Variants in SEMA5A observed in about 807,000 individuals in gnomAD.
SEMA5A encodes the protein semaphorin 5A, also known as semaphorin-5A.
Under a neutral mutation model 135.5 loss-of-function variants are expected in SEMA5A, and 55 were observed. That is an observed-to-expected ratio of 0.41 (90% CI 0.33 to 0.51). The LOEUF is 0.51. Ranked by LOEUF, SEMA5A falls within the 20% of genes least tolerant of loss-of-function variation. SEMA5A has a pLI of 0.37. For synonymous variants in SEMA5A, 580 were observed against 546.5 expected (o/e 1.06, Z -0.85); for missense variants, 1,290 against 1,419.9 (o/e 0.91, Z 1.47).
At chr5:9,445,727 C>T (rs1016836830) in intron 1 of SEMA5A, among the ~76,000 whole-genome samples, 1 of 152,090 alleles carries the variant, frequency 6.6e-6, no homozygotes, top group Non-Finnish European at 1.5e-5. Flanking sequence ...TCCCACAGGG[C>T]CAAAGTAAGA....
At chr5:9,197,721 A>C (rs1745472585) in intron 9 of SEMA5A, among the ~76,000 whole-genome samples, 1 of 78,930 alleles carries the variant, frequency 1.3e-5, no homozygotes, top group Non-Finnish European at 3.0e-5. Flanking sequence ...GCAGCAGGGA[A>C]AGCTGTTTGT....
intron 1 of SEMA5A, among the ~76,000 whole-genome samples, chr5:9,540,558 C>T (rs3777370): frequency 0.81 from 123,872 of 152,008 alleles, 50,561 homozygotes; most frequent in Middle Eastern, 0.85. Flanking sequence ...GATCGCGCCA[C>T]TGCACCCCAG....
chr5:9,109,580 C>T (rs1405489911), intron 15 of SEMA5A, among the ~76,000 whole-genome samples: 1 of 152,132 alleles, frequency 6.6e-6, no homozygotes, highest in Non-Finnish European at 1.5e-5. Context: ...TTCTCATGCC[C>T]TCCTCTCTTG....
intron 1 of SEMA5A, among the ~76,000 whole-genome samples, chr5:9,450,591 C>A (rs960700966): frequency 1.3e-5 from 2 of 152,102 alleles, no homozygotes; most frequent in East Asian, 1.9e-4. Flanking sequence ...CACACCTACA[C>A]CCCTCTCCAC....
intron 11 of SEMA5A, among the ~76,000 whole-genome samples, chr5:9,187,571 A>T (rs1361767697): frequency 6.6e-6 from 1 of 152,178 alleles, no homozygotes; most frequent in Non-Finnish European, 1.5e-5. Context: ...TTAACTAACA[A>T]TCCAACTAGT....
At chr5:9,183,667 A>T (rs892486061) in intron 11 of SEMA5A, among the ~76,000 whole-genome samples, 2 of 152,202 alleles carry the variant, frequency 1.3e-5, no homozygotes, top group Non-Finnish European at 2.9e-5. Context: ...TGAGCTCATT[A>T]TGCTCCATTG....
At chr5:9,466,955 A>G (rs758684964) in intron 1 of SEMA5A, among the ~76,000 whole-genome samples, 1 of 152,210 alleles carries the variant, frequency 6.6e-6, no homozygotes, top group Non-Finnish European at 1.5e-5. Context: ...CAATGCAGAG[A>G]AGAGTTTTGT....
At chr5:9,426,523 T>A (rs774737099) in intron 2 of SEMA5A, among the ~76,000 whole-genome samples, 5 of 151,238 alleles carry the variant, frequency 3.3e-5, no homozygotes, top group Non-Finnish European at 7.4e-5. Flanking sequence ...TTTAATGACT[T>A]GCTCTGAGCA....
rs1205964805 is a variant in SEMA5A, at chr5:9,204,635, A to G, written c.647-2395T>C. Among the ~76,000 whole-genome samples the G allele has an allele frequency of 1.3e-5, 2 of 152,180 alleles. No individual in the cohort carries two copies. Among genetic ancestry groups the G allele is most frequent in the Admixed American group, 6.5e-5 (1 of 15,282 alleles). On this transcript the variant is annotated intron_variant, in intron 8 of 22. Transcript: ENST00000382496. The surrounding 1 kb of genome is among the most constrained non-coding windows in gnomAD (Gnocchi z 6.4). ...CCCATTTCACAGATGAGGACACTAA[A>G]GCCCAGAGATTTAATAACTTGTCCA...
chr5:9,220,612 T>C (rs879036711), intron 8 of SEMA5A, among the ~76,000 whole-genome samples: 2 of 151,574 alleles, frequency 1.3e-5, no homozygotes, highest in Admixed American at 1.3e-4. Context: ...ATGAGAAGAG[T>C]GGGCAGAAGG....
In SEMA5A at chr5:9,476,362, T is replaced by C. The variant is rs553478362; in HGVS notation, c.-174-38510A>G. On this transcript the variant is annotated intron_variant, in intron 1 of 22. Transcript: ENST00000382496. ...TTGCACATGTTGGGGGTTTACTTTT[T>C]TTTTTTAATCTTTACCAAGCTAATA... Among the ~76,000 whole-genome samples, 4 of 152,346 alleles carry C rather than the reference T, an allele frequency of 2.6e-5. No individual in the cohort carries two copies. The East Asian group carries it at 7.7e-4, about 29-fold the overall frequency.
intron 18 of SEMA5A, among the ~76,000 whole-genome samples, chr5:9,061,402 G>A (rs1216365268): frequency 1.3e-5 from 2 of 151,950 alleles, no homozygotes; most frequent in African/African-American, 4.8e-5. Context: ...TAAGGTTGCT[G>A]CCATGAGTGA....
chr5:9,463,047 G>T (rs1327514556), intron 1 of SEMA5A, among the ~76,000 whole-genome samples: 1 of 151,034 alleles, frequency 6.6e-6, no homozygotes, highest in Non-Finnish European at 1.5e-5. Flanking sequence ...AATGCCTTTT[G>T]TGGATGCTTA....
intron 1 of SEMA5A, among the ~76,000 whole-genome samples, chr5:9,445,519 A>G (rs1758400603): frequency 6.6e-6 from 1 of 152,016 alleles, no homozygotes; most frequent in South Asian, 2.1e-4. Flanking sequence ...AATACAAAAA[A>G]TTAGCCGGGT....
chr5:9,282,777 A>G (rs766720010), intron 5 of SEMA5A, among the ~76,000 whole-genome samples: 5 of 152,100 alleles, frequency 3.3e-5, no homozygotes, highest in Non-Finnish European at 7.4e-5. Flanking sequence ...CACAGCATCA[A>G]TCCTAAATTC....
intron 20 of SEMA5A, 22 bp from the exon 21 acceptor site, chr5:9,050,479 C>T (rs1418970102): frequency 1.9e-6 from 3 of 1,609,260 alleles, no homozygotes; most frequent in Admixed American, 3.4e-5. Context: ...AAAGTCGAAT[C>T]ACAATGTGTA....
intron 5 of SEMA5A, among the ~76,000 whole-genome samples, chr5:9,268,398 T>A (rs547017762): frequency 6.6e-6 from 1 of 152,120 alleles, no homozygotes; most frequent in Non-Finnish European, 1.5e-5. Flanking sequence ...CAAACAGTGA[T>A]AAGACCACCC....
At chr5:9,307,297 C>T (rs1315605424) in intron 5 of SEMA5A, among the ~76,000 whole-genome samples, 2 of 152,110 alleles carry the variant, frequency 1.3e-5, no homozygotes, top group Non-Finnish European at 2.9e-5. Context: ...TATGAGAGCA[C>T]AGCAAAAGGA....
chr5:9,172,351 A>T (rs1440038199), intron 11 of SEMA5A, among the ~76,000 whole-genome samples: 1 of 152,224 alleles, frequency 6.6e-6, no homozygotes, highest in African/African-American at 2.4e-5. Context: ...CAGTTTACCA[A>T]GGACAAATCA....
Sources: gnomAD v4.1 joint callset for allele counts (sites outside exome capture counted in the v4.1 genomes callset) on GRCh38, gnomAD v4.1.1 for gene constraint, Gnocchi (gnomAD v3.1) non-coding constraint, MANE v1.5 for transcripts, NCBI Gene and HGNC (gene_info 2026-07-23, HGNC 2026-07-21) for gene names.